The following TOMM20L variants were observed in gnomAD, a reference collection of about 807,000 sequenced individuals.
The protein encoded by TOMM20L is TOMM20-like protein 1.
A neutral mutation model predicts 20.4 loss-of-function variants in TOMM20L; 19 were observed. The ratio of observed to expected loss-of-function variants is 0.93; its 90% CI spans 0.65 to 1.36. The LOEUF is 1.36. Ranked by LOEUF, TOMM20L falls within the 40% of genes most tolerant of loss-of-function variation. The probability of loss-of-function intolerance (pLI) is 0.00; values close to 1 mark genes in which losing one functional copy is unlikely to be tolerated. For synonymous variants in TOMM20L, 75 were observed against 79.6 expected (o/e 0.94, Z 0.30); for missense variants, 218 against 203.7 (o/e 1.07, Z -0.43).
the TOMM20L span, among the ~76,000 whole-genome samples, chr14:58,415,471 A>T: frequency 1.3e-5 from 2 of 152,252 alleles, no homozygotes. Flanking sequence ...TTATGAACAC[A>T]CTTGAAACAA....
chr14:58,404,223 G>A (rs1220414018), intron 3 of TOMM20L, among the ~76,000 whole-genome samples: 7 of 127,346 alleles, frequency 5.5e-5, no homozygotes, highest in African/African-American at 2.0e-4. Flanking sequence ...TCCGCCTCCC[G>A]GGTTCACACC....
chr14:58,412,091 A>C (rs899513345), downstream of TOMM20L: 11 of 676,246 alleles, frequency 1.6e-5, no homozygotes, highest in African/African-American at 5.4e-5. Context: ...GTATGCCACC[A>C]CCCCCAATTT....
intron 3 of TOMM20L, among the ~76,000 whole-genome samples, chr14:58,404,460 C>G (rs1361212631): frequency 1.3e-5 from 2 of 151,622 alleles, no homozygotes; most frequent in African/African-American, 4.8e-5. Context: ...AACTCCCTTG[C>G]ATATCACAGT....
downstream of TOMM20L, chr14:58,412,101 T>C (rs1228767908): frequency 4.6e-6 from 3 of 650,874 alleles, no homozygotes; most frequent in East Asian, 8.3e-5. Flanking sequence ...ACCCCCAATT[T>C]CTCAGATCAT....
At chr14:58,403,915 G>A (rs1158465339) in intron 3 of TOMM20L, among the ~76,000 whole-genome samples, 1 of 149,166 alleles carries the variant, frequency 6.7e-6, no homozygotes, top group African/African-American at 2.5e-5. Flanking sequence ...TCATAATATT[G>A]TCAGGCAAAA....
the TOMM20L span, among the ~76,000 whole-genome samples, chr14:58,415,310 A>G: frequency 6.6e-6 from 1 of 152,256 alleles, no homozygotes; most frequent in South Asian, 2.1e-4. Context: ...CCAGGCTACA[A>G]TATATTAAAA....
rs750465345 is a variant in TOMM20L, at chr14:58,407,473, G to C, written c.405+5G>C. On this transcript the variant is annotated splice_donor_5th_base_variant and intron_variant, in intron 4 of 4. Coordinates refer to ENST00000360945, the MANE Select transcript of TOMM20L (RefSeq NM_207377.3). ...AAAATTCCCCTTATTTGCCAGGTGA[G>C]CACATATTTAATTATCTTTGTGAAA... is the stretch of plus-strand genomic sequence containing the variant. 1 of 1,608,736 alleles carries C rather than the reference G, an allele frequency of 6.2e-7. No homozygotes were observed. The highest frequency in any genetic ancestry group is 1.1e-5 in the South Asian group (1 of 90,044).
At chr14:58,411,738 T>A (rs1269570765), downstream of TOMM20L, among the ~76,000 whole-genome samples, 1 of 152,014 alleles carries the variant, frequency 6.6e-6, no homozygotes, top group East Asian at 2.0e-4. Flanking sequence ...AGTTTCACCA[T>A]GTTGGCCAGG....
Position 58,402,676 on chromosome 14 carries a change from T to G in TOMM20L, c.181-4T>G. ...CATTGTTGAATATTTTATGAATATTTTAGTTGTGGGATCCAACGAAGAATA... is the reference window on the plus strand; with the variant it reads ...CATTGTTGAATATTTTATGAATATTGTAGTTGTGGGATCCAACGAAGAATA... On this transcript the variant is annotated splice_region_variant and splice_polypyrimidine_tract_variant and intron_variant, in intron 2 of 4. Transcript: ENST00000360945. 1 of 1,608,102 alleles carries G rather than the reference T, an allele frequency of 6.2e-7. No individual in the cohort carries two copies. The highest frequency in any genetic ancestry group is 8.5e-7 in the Non-Finnish European group (1 of 1,174,618).
chr14:58,410,197 A>C (rs117652928), downstream of TOMM20L, among the ~76,000 whole-genome samples: 64 of 152,084 alleles, frequency 4.2e-4, 1 homozygote, highest in East Asian at 0.012. Context: ...TCAGCTCCCG[A>C]GTAGCTGGGA....
chr14:58,402,947 A>T (rs2036009971), intron 3 of TOMM20L, among the ~76,000 whole-genome samples, 186 bp downstream of exon 3: 1 of 152,256 alleles, frequency 6.6e-6, no homozygotes, highest in Non-Finnish European at 1.5e-5. Flanking sequence ...TTTAGTGCTC[A>T]AGTCGTAGAC....
chr14:58,396,456 C>A, intron 2 of TOMM20L, 115 bp downstream of exon 2: 3 of 1,188,422 alleles, frequency 2.5e-6, no homozygotes, highest in Non-Finnish European at 3.6e-6. Flanking sequence ...GCCGCCCGTG[C>A]CCGGGAAGAG....
intron 3 of TOMM20L, among the ~76,000 whole-genome samples, chr14:58,403,991 C>T (rs536486861): frequency 7.0e-6 from 1 of 143,630 alleles, no homozygotes. Context: ...TGGTGTTAAA[C>T]CCTGGAAAGG....
chr14:58,416,595 A>G, the TOMM20L span, among the ~76,000 whole-genome samples: 1 of 152,238 alleles, frequency 6.6e-6, no homozygotes, highest in Non-Finnish European at 1.5e-5. Context: ...ATCAAGGAGG[A>G]AAACACAGTA....
rs191972523 is a variant in TOMM20L, at chr14:58,401,088, G to T, written c.181-1592G>T. Among the ~76,000 whole-genome samples, 8 of 152,226 alleles carry T rather than the reference G, an allele frequency of 5.3e-5. 1 individual carries two copies. In the South Asian group the frequency reaches 6.2e-4, roughly 12 times the overall value. ...TGAGCCCCAGAGGACATTGGACTTC[G>T]TCTTGTACCTACATGATCACTTTCC... On this transcript the variant is annotated intron_variant, in intron 2 of 4. Coordinates refer to ENST00000360945, the MANE Select transcript of TOMM20L (RefSeq NM_207377.3).
At chr14:58,410,348 T>C (rs1043736324), downstream of TOMM20L, among the ~76,000 whole-genome samples, 2 of 151,974 alleles carry the variant, frequency 1.3e-5, no homozygotes, top group Non-Finnish European at 2.9e-5. Flanking sequence ...GTGCTGGGAG[T>C]TCAAAGTTAC....
At position 58,406,742 on chromosome 14, in the gene TOMM20L, C is replaced by T. The variant is rs184991590; in HGVS notation, c.263-584C>T. Among the ~76,000 whole-genome samples the T allele has an allele frequency of 5.3e-5, 8 of 152,318 alleles. 1 individual carries two copies. In the South Asian group the frequency reaches 6.2e-4, roughly 12 times the overall value. On this transcript the variant is annotated intron_variant, in intron 3 of 4. Transcript: ENST00000360945. ...AGAAATCCTATGATTAATTTTCACT[C>T]TTCACATATTTTCATTTGTTGTTAC...
At chr14:58,412,166 C>T (rs568610679), downstream of TOMM20L, 26 of 445,666 alleles carry the variant, frequency 5.8e-5, no homozygotes, top group African/African-American at 5.0e-4. Flanking sequence ...TTTTTTGAGA[C>T]GGAGTCTCAC....
At chr14:58,396,919 G>A (rs1417393622) in intron 2 of TOMM20L, among the ~76,000 whole-genome samples, 1 of 152,176 alleles carries the variant, frequency 6.6e-6, no homozygotes, top group African/African-American at 2.4e-5. Context: ...CATGGTGAAA[G>A]CCTGTCTCTA....
Sources: gnomAD v4.1 joint callset for allele counts (sites outside exome capture counted in the v4.1 genomes callset) on GRCh38, gnomAD v4.1.1 for gene constraint, MANE v1.5 for transcripts, NCBI Gene and HGNC (gene_info 2026-07-23, HGNC 2026-07-21) for gene names.